UBL3: variants seen among roughly 807,000 people sequenced by gnomAD.
The protein encoded by UBL3 is ubiquitin like 3.
UBL3 carries 6 observed loss-of-function variants against 18.4 expected under a neutral mutation model. That is an observed-to-expected ratio of 0.33 (90% CI 0.18 to 0.64). The LOEUF (loss-of-function observed/expected upper bound fraction) is 0.64, where lower values mean the gene tolerates loss of function less well. UBL3 is among the 30% of genes least tolerant of loss of function. The probability of loss-of-function intolerance (pLI) is 0.76; values close to 1 mark genes in which losing one functional copy is unlikely to be tolerated. For missense variants in UBL3, 109 were observed against 142.9 expected (o/e 0.76, Z 1.21); for synonymous variants, 49 against 46.6 (o/e 1.05, Z -0.21).
At position 29,784,072 on chromosome 13, in the gene UBL3, C is replaced by T. The variant is rs1593654125; in HGVS notation, c.28-6809G>A. 3.3e-5 allele frequency among the ~76,000 whole-genome samples: 5 copies of T among 152,302 alleles called. No homozygotes were observed. In the South Asian group the frequency reaches 1.0e-3, roughly 32 times the overall value. On this transcript the variant is annotated intron_variant, in intron 1 of 4. Coordinates refer to ENST00000380680, the MANE Select transcript of UBL3 (RefSeq NM_007106.4). ...TTTCCTGTAAGGCCAATGGATACAA[C>T]AAGAACTCTTCAATGCATGTAATTT...
At chr13:29,828,497 T>C (rs958504080) in intron 1 of UBL3, among the ~76,000 whole-genome samples, 7 of 152,242 alleles carry the variant, frequency 4.6e-5, no homozygotes, top group Admixed American at 1.3e-4. Context: ...ATTTGTCACG[T>C]AGTTCTCATG....
chr13:29,794,989 T>G (rs1877571889), intron 1 of UBL3, among the ~76,000 whole-genome samples: 1 of 152,216 alleles, frequency 6.6e-6, no homozygotes, highest in Admixed American at 6.5e-5. Context: ...GACTTACAAT[T>G]ATTACAAATT....
At chr13:29,816,567 C>T (rs1006076806) in intron 1 of UBL3, among the ~76,000 whole-genome samples, 6 of 151,046 alleles carry the variant, frequency 4.0e-5, no homozygotes, top group African/African-American at 1.2e-4. Context: ...GAGACCAGCC[C>T]GGGCAACATG....
chr13:29,772,694 T>C (rs1413301157), intron 2 of UBL3, among the ~76,000 whole-genome samples: 1 of 152,126 alleles, frequency 6.6e-6, no homozygotes, highest in African/African-American at 2.4e-5. Context: ...ATAATGTTGA[T>C]ATATTATCTT....
intron 1 of UBL3, among the ~76,000 whole-genome samples, chr13:29,817,941 T>C (rs3118078): frequency 0.03 from 4,494 of 152,322 alleles, 132 homozygotes; most frequent in African/African-American, 0.062. Flanking sequence ...AAATAACTTA[T>C]ACTAGCCTGA....
rs1188040766 is a variant in UBL3, at chr13:29,849,794, C to T, written c.-256G>A. ...CAGCAGAGGCAGCCCCCGTCGTCGTCGTCGTCGTCAACAGCAGCAGCAGCC... is the reference window on the plus strand; with the variant it reads ...CAGCAGAGGCAGCCCCCGTCGTCGTTGTCGTCGTCAACAGCAGCAGCAGCC... On this transcript the variant is annotated 5_prime_UTR_variant, in exon 1 of 5. Coordinates refer to ENST00000380680, the MANE Select transcript of UBL3 (RefSeq NM_007106.4). 1 of 579,640 alleles carries T rather than the reference C, an allele frequency of 1.7e-6. No individual in the cohort carries two copies. The highest frequency in any genetic ancestry group is 1.9e-5 in the African/African-American group (1 of 53,124). 35.9% of individuals were successfully genotyped at this position (579,640 alleles called of 1,614,324 possible). A position where few individuals can be genotyped will look rare whatever the true frequency, so the allele number is the denominator to read the frequency against.
chr13:29,771,050 T>C (rs1187452509), intron 3 of UBL3, among the ~76,000 whole-genome samples: 2 of 152,068 alleles, frequency 1.3e-5, no homozygotes, highest in Non-Finnish European at 2.9e-5. Context: ...GTTTGTCCTA[T>C]GTAATACTAG....
chr13:29,838,609 T>C (rs865912979), intron 1 of UBL3, among the ~76,000 whole-genome samples: 3 of 152,094 alleles, frequency 2.0e-5, no homozygotes, highest in African/African-American at 4.8e-5. Flanking sequence ...AAGATGAACA[T>C]TGTAATCTCT....
intron 1 of UBL3, among the ~76,000 whole-genome samples, chr13:29,826,582 C>CTT (rs1204540659): frequency 1.3e-5 from 2 of 152,070 alleles, no homozygotes; most frequent in African/African-American, 4.8e-5. Context: ...TTTGATTCTT[C>CTT]TTTATTAGTC....
chr13:29,786,340 C>T (rs1306472200), intron 1 of UBL3, among the ~76,000 whole-genome samples: 1 of 152,188 alleles, frequency 6.6e-6, no homozygotes, highest in African/African-American at 2.4e-5. Flanking sequence ...AAGGCCTTTA[C>T]ACAGGTTTTT....
intron 2 of UBL3, among the ~76,000 whole-genome samples, 171 bp from the exon 3 acceptor site, chr13:29,772,369 ATTAC>A (rs1876865657): frequency 6.6e-6 from 1 of 152,120 alleles, no homozygotes; most frequent in African/African-American, 2.4e-5. Context: ...AACCTTGGTT[ATTAC>A]TTATTCTTTT....
intron 1 of UBL3, among the ~76,000 whole-genome samples, chr13:29,835,819 G>C (rs1405441676): frequency 6.7e-6 from 1 of 149,166 alleles, no homozygotes; most frequent in African/African-American, 2.5e-5. Flanking sequence ...ACTCAGCCTT[G>C]CTGTGGGATA....
intron 1 of UBL3, among the ~76,000 whole-genome samples, chr13:29,802,483 A>G (rs190336790): frequency 2.6e-4 from 39 of 152,348 alleles, no homozygotes; most frequent in African/African-American, 9.4e-4. Context: ...AAATCACAGA[A>G]ATATAATTCA....
At chr13:29,837,219 T>G (rs756687087) in intron 1 of UBL3, among the ~76,000 whole-genome samples, 137 of 152,000 alleles carry the variant, frequency 9.0e-4, no homozygotes, top group Non-Finnish European at 1.7e-3. Context: ...AAGGATCAAA[T>G]AATCAAAAAC....
intron 1 of UBL3, among the ~76,000 whole-genome samples, chr13:29,784,217 A>G (rs1043472015): frequency 6.6e-6 from 1 of 152,134 alleles, no homozygotes; most frequent in Admixed American, 6.5e-5. Flanking sequence ...TCAGGATGGA[A>G]AAAAATGACG....
rs7330356 is a variant in UBL3, at chr13:29,789,844, G to T, written c.28-12581C>A. 3.5e-3 allele frequency among the ~76,000 whole-genome samples: 526 copies of T among 152,058 alleles called. 10 individuals are homozygous for T. The highest frequency in any genetic ancestry group is 0.012 in the African/African-American group (494 of 41,442). On this transcript the variant is annotated intron_variant, in intron 1 of 4. Transcript: ENST00000380680. ...TATTAAAATAATCTACTTATTGTTC[G>T]GGGGAATGTAAGAATGACTCCCCCT...
chr13:29,767,215 A>G lies in UBL3; in HGVS notation c.*40T>C. On this transcript the variant is annotated 3_prime_UTR_variant, in exon 5 of 5. Transcript: ENST00000380680. ...GGTCTTTTCTGTCCCAGCAGCATGA[A>G]AGACAAAGACTATATCACATCACAC... 1 of 1,608,670 alleles carries G rather than the reference A, an allele frequency of 6.2e-7. No individual in the cohort carries two copies. Among genetic ancestry groups the G allele is most frequent in the Non-Finnish European group, 8.5e-7 (1 of 1,177,082 alleles).
chr13:29,835,090 AT>A (rs1878888271), intron 1 of UBL3, among the ~76,000 whole-genome samples: 1 of 22,804 alleles, frequency 4.4e-5, no homozygotes, highest in East Asian at 1.8e-3. Context: ...ATAAATATAA[AT>A]ATATATATAT....
At chr13:29,777,396 T>C (rs2139312115) in intron 1 of UBL3, 133 bp from the exon 2 acceptor site, 1 of 749,118 alleles carries the variant, frequency 1.3e-6, no homozygotes, top group South Asian at 1.7e-5. Flanking sequence ...ATTTAAATTC[T>C]ATAAAACTTT....
Sources: gnomAD v4.1 joint callset for allele counts (sites outside exome capture counted in the v4.1 genomes callset) on GRCh38, gnomAD v4.1.1 for gene constraint, MANE v1.5 for transcripts, NCBI Gene and HGNC (gene_info 2026-07-23, HGNC 2026-07-21) for gene names.